Variants in ANO3 observed in about 807,000 individuals in gnomAD.
ANO3 encodes the protein anoctamin 3.
ANO3 carries 99 observed loss-of-function variants against 144.8 expected under a neutral mutation model. The observed-to-expected ratio is 0.68, with a 90% CI of 0.58 to 0.81. ANO3 has a LOEUF of 0.81. Ranked by LOEUF, ANO3 falls within the 30% of genes least tolerant of loss-of-function variation. The pLI, the probability that ANO3 is intolerant of heterozygous loss-of-function variation, is 0.00. For synonymous variants in ANO3, 414 were observed against 392.6 expected (o/e 1.05, Z -0.64); for missense variants, 905 against 1,202.2 (o/e 0.75, Z 3.66).
chr11:26,554,969 T>C (rs990900730), intron 13 of ANO3, among the ~76,000 whole-genome samples: 30 of 152,168 alleles, frequency 2.0e-4, no homozygotes, highest in African/African-American at 7.2e-4. Flanking sequence ...ACTCCATCTT[T>C]TCCAGAGTGG....
At chr11:26,577,479 C>T (rs892454656) in intron 14 of ANO3, among the ~76,000 whole-genome samples, 2 of 151,202 alleles carry the variant, frequency 1.3e-5, no homozygotes, top group African/African-American at 2.4e-5. Context: ...AGGAGAATGG[C>T]TTGAACCCGG....
chr11:26,313,262 A>G (rs2133872346), intron 1 of ANO3, among the ~76,000 whole-genome samples: 1 of 152,338 alleles, frequency 6.6e-6, no homozygotes, highest in Admixed American at 6.5e-5. Context: ...TTTTTGTAAC[A>G]GACACTGAGC....
intron 1 of ANO3, among the ~76,000 whole-genome samples, chr11:26,268,849 G>C (rs927829382): frequency 1.3e-5 from 2 of 152,132 alleles, no homozygotes; most frequent in Non-Finnish European, 2.9e-5. Flanking sequence ...AAGGCAGTAA[G>C]AATAAGCCAT....
At chr11:26,459,538 G>C (rs150185414) in intron 3 of ANO3, among the ~76,000 whole-genome samples, 196 of 151,866 alleles carry the variant, frequency 1.3e-3, no homozygotes, top group African/African-American at 4.6e-3. Context: ...CCCTATTCTA[G>C]ATGTTAAGGA....
At chr11:26,593,564 G>A (rs1851516603) in intron 14 of ANO3, among the ~76,000 whole-genome samples, 1 of 152,130 alleles carries the variant, frequency 6.6e-6, no homozygotes, top group South Asian at 2.1e-4. Context: ...TGATGGCATG[G>A]GCTGGCGCTT....
intron 11 of ANO3, among the ~76,000 whole-genome samples, chr11:26,546,007 A>C (rs1000262733): frequency 3.9e-5 from 6 of 151,988 alleles, no homozygotes; most frequent in African/African-American, 1.4e-4. Context: ...GTAATTTAAA[A>C]TATCATTATC....
chr11:26,196,463 C>T (rs3114694), intron 1 of ANO3, among the ~76,000 whole-genome samples: 6,660 of 152,022 alleles, frequency 0.044, 472 homozygotes, highest in African/African-American at 0.15. Flanking sequence ...TTTTCAAGGC[C>T]ATCATGAAGC....
intron 1 of ANO3, among the ~76,000 whole-genome samples, chr11:26,294,878 T>C (rs1001521840): frequency 4.0e-5 from 6 of 148,240 alleles, no homozygotes; most frequent in East Asian, 1.9e-4. Flanking sequence ...TCCTTTTTTT[T>C]CTTCTTTTTT....
chr11:26,453,288 T>C (rs552871132), intron 3 of ANO3, among the ~76,000 whole-genome samples: 2 of 151,536 alleles, frequency 1.3e-5, no homozygotes, highest in East Asian at 1.9e-4. Context: ...GACTGGCAAA[T>C]TGGATAAACA....
chr11:26,579,283 C>A (rs1851069437), intron 14 of ANO3, among the ~76,000 whole-genome samples: 1 of 152,128 alleles, frequency 6.6e-6, no homozygotes, highest in African/African-American at 2.4e-5. Flanking sequence ...ATAACCTCAG[C>A]AGCAGAGTGT....
At chr11:26,265,446 G>A (rs563773675) in intron 1 of ANO3, among the ~76,000 whole-genome samples, 2 of 152,212 alleles carry the variant, frequency 1.3e-5, no homozygotes, top group East Asian at 1.9e-4. Context: ...TAACCTAATA[G>A]ATTCTACATT....
intron 17 of ANO3, among the ~76,000 whole-genome samples, chr11:26,602,550 G>A (rs1024707228): frequency 5.3e-5 from 8 of 151,494 alleles, no homozygotes; most frequent in African/African-American, 1.9e-4. Context: ...AACATAGTGA[G>A]ATCTCATTGC....
intron 1 of ANO3, among the ~76,000 whole-genome samples, chr11:26,224,607 A>C (rs1251694685): frequency 6.6e-6 from 1 of 152,234 alleles, no homozygotes; most frequent in East Asian, 1.9e-4. Context: ...CTATGTTGGA[A>C]TGAAGTATGT....
chr11:26,626,130 TTATACTC>T (rs1246224183), intron 18 of ANO3, among the ~76,000 whole-genome samples: 1 of 152,230 alleles, frequency 6.6e-6, no homozygotes, highest in Non-Finnish European at 1.5e-5. Context: ...TGTTATTTGT[TTATACTC>T]TAGAATAATT....
intron 1 of ANO3, among the ~76,000 whole-genome samples, chr11:26,198,778 G>A (rs970146256): frequency 1.3e-5 from 2 of 152,060 alleles, no homozygotes; most frequent in African/African-American, 4.8e-5. Flanking sequence ...TTTAAGCTAC[G>A]CCTGAAGCCA....
chr11:26,265,417 A>G (rs1452059314), intron 1 of ANO3, among the ~76,000 whole-genome samples: 2 of 152,212 alleles, frequency 1.3e-5, no homozygotes, highest in East Asian at 3.8e-4. Flanking sequence ...TAGCTTTGAT[A>G]AGCTTTGGTT....
chr11:26,647,574 A>G (rs1178727816), intron 23 of ANO3, 135 bp from the exon 24 acceptor site: 2 of 685,130 alleles, frequency 2.9e-6, no homozygotes, highest in East Asian at 5.4e-5. Context: ...GTATTGAGAT[A>G]GTATAATAAG....
intron 4 of ANO3, among the ~76,000 whole-genome samples, chr11:26,507,521 G>A (rs528670095): frequency 1.3e-5 from 2 of 152,206 alleles, no homozygotes; most frequent in South Asian, 4.1e-4. Flanking sequence ...AACAACTTAG[G>A]GATTATTTTT....
At chr11:26,207,918 A>C (rs575647716) in intron 1 of ANO3, 1 of 152,156 alleles carries the variant, frequency 6.6e-6, no homozygotes, top group African/African-American at 2.4e-5. Flanking sequence ...TCAGGCTGCT[A>C]TAAGAAAATA....
Sources: allele counts gnomAD v4.1 joint callset (sites outside exome capture counted in the v4.1 genomes callset), GRCh38; gene constraint gnomAD v4.1.1; transcripts MANE v1.5; gene names NCBI Gene and HGNC (gene_info 2026-07-23, HGNC 2026-07-21).